The following PPP4R2 variants were observed in gnomAD, a reference collection of about 807,000 sequenced individuals.
The protein encoded by PPP4R2 is serine/threonine-protein phosphatase 4 regulatory subunit 2.
PPP4R2 carries 13 observed loss-of-function variants against 47.2 expected under a neutral mutation model. The observed-to-expected ratio is 0.28, with a 90% CI of 0.18 to 0.44. The LOEUF is 0.44. PPP4R2 is among the 20% of genes least tolerant of loss of function. PPP4R2 has a pLI of 1.00. For missense variants in PPP4R2, 421 were observed against 491.2 expected (o/e 0.86, Z 1.35); for synonymous variants, 151 against 163.3 (o/e 0.92, Z 0.57).
At chr3:72,998,798 A>C (rs768048310) in intron 2 of PPP4R2, among the ~76,000 whole-genome samples, 5 of 152,122 alleles carry the variant, frequency 3.3e-5, no homozygotes, top group Non-Finnish European at 5.9e-5. Context: ...GGAACATTCC[A>C]GGTCATTGTT....
At chr3:73,036,622 G>T (rs916288015) in intron 2 of PPP4R2, among the ~76,000 whole-genome samples, 1 of 152,174 alleles carries the variant, frequency 6.6e-6, no homozygotes, top group Admixed American at 6.5e-5. Flanking sequence ...CATTTTCCAT[G>T]TATTCAGTCC....
chr3:72,997,170 G>A (rs1426208446), intron 1 of PPP4R2, 99 bp downstream of exon 1: 9 of 1,022,916 alleles, frequency 8.8e-6, no homozygotes, highest in Non-Finnish European at 1.2e-5. Context: ...GCCGGGCGCG[G>A]CGTGGGGAGA....
intron 2 of PPP4R2, chr3:73,027,827 G>T (rs750991103): frequency 4.0e-5 from 6 of 151,366 alleles, no homozygotes; most frequent in African/African-American, 7.3e-5. Flanking sequence ...AGCTCTTTTA[G>T]AATTTGTCTA....
chr3:73,008,198 C>A (rs1701652381), intron 2 of PPP4R2, among the ~76,000 whole-genome samples: 3 of 152,060 alleles, frequency 2.0e-5, no homozygotes, highest in Non-Finnish European at 4.4e-5. Flanking sequence ...CCATGTGTCA[C>A]CTAAAGTCCT....
At chr3:72,998,307 T>A in intron 2 of PPP4R2, 149 bp downstream of exon 2, 1 of 552,282 alleles carries the variant, frequency 1.8e-6, no homozygotes, top group South Asian at 2.9e-5. Flanking sequence ...ATATTTACAT[T>A]TAAAGAACGT....
Position 73,068,966 on chromosome 3 carries a change from A to G in PPP4R2, c.*3244A>G, listed in dbSNP as rs1703057082. On this transcript the variant is annotated 3_prime_UTR_variant, in exon 9 of 9. Coordinates refer to ENST00000356692, the MANE Select transcript of PPP4R2 (RefSeq NM_174907.4). ...TCAGTTCTCAAGATTTGTGCTAATC[A>G]TAAAATGAATGAATGCAAAACACCT... 1 of 152,210 alleles carries G rather than the reference A, an allele frequency of 6.6e-6. No individual in the cohort carries two copies. Among genetic ancestry groups the G allele is most frequent in the East Asian group, 1.9e-4 (1 of 5,188 alleles). 9.4% of individuals were successfully genotyped at this position (152,210 alleles called of 1,614,324 possible). A position where few individuals can be genotyped will look rare whatever the true frequency, so the allele number is the denominator to read the frequency against.
At chr3:73,038,479 T>C (rs1395664646) in intron 2 of PPP4R2, among the ~76,000 whole-genome samples, 1 of 151,924 alleles carries the variant, frequency 6.6e-6, no homozygotes, top group Non-Finnish European at 1.5e-5. Flanking sequence ...CACAGCAACC[T>C]CCACCTCCCA....
intron 2 of PPP4R2, among the ~76,000 whole-genome samples, chr3:73,029,039 G>A (rs1702122117): frequency 6.6e-6 from 1 of 152,178 alleles, no homozygotes; most frequent in Non-Finnish European, 1.5e-5. Context: ...TCGAACTCCT[G>A]GGCTCAAGCA....
intron 2 of PPP4R2, among the ~76,000 whole-genome samples, chr3:73,001,499 G>A (rs1047403538): frequency 4.6e-5 from 7 of 152,162 alleles, no homozygotes; most frequent in Non-Finnish European, 8.8e-5. Context: ...ACCTGAGCCT[G>A]GGAGGTTGAG....
intron 2 of PPP4R2, among the ~76,000 whole-genome samples, chr3:73,018,278 C>T (rs998417517): frequency 1.3e-5 from 2 of 152,042 alleles, no homozygotes; most frequent in Non-Finnish European, 2.9e-5. Flanking sequence ...ACACAATGGA[C>T]TGCTTTTTTT....
chr3:73,020,104 T>C (rs1701928498), intron 2 of PPP4R2, among the ~76,000 whole-genome samples: 1 of 152,220 alleles, frequency 6.6e-6, no homozygotes, highest in South Asian at 2.1e-4. Context: ...AATAGAAATT[T>C]ATTTCCTCAT....
chr3:73,052,711 A>G (rs1702643014), intron 3 of PPP4R2, among the ~76,000 whole-genome samples: 1 of 152,150 alleles, frequency 6.6e-6, no homozygotes, highest in Non-Finnish European at 1.5e-5. Flanking sequence ...TCAAGTCTTG[A>G]CCCTTTCTTG....
intron 2 of PPP4R2, among the ~76,000 whole-genome samples, chr3:73,029,090 C>T (rs961200648): frequency 2.0e-5 from 3 of 152,192 alleles, no homozygotes; most frequent in African/African-American, 7.2e-5. Flanking sequence ...AGACTACAGG[C>T]TTGCACCGCC....
chr3:73,063,790 C>A, intron 6 of PPP4R2, 43 bp downstream of exon 6: 1 of 1,368,706 alleles, frequency 7.3e-7, no homozygotes, highest in Non-Finnish European at 1.0e-6. Context: ...TTGCATTGTC[C>A]TGATTTTGAG....
At chr3:73,027,504 T>G (rs1486074095) in intron 2 of PPP4R2, among the ~76,000 whole-genome samples, 1 of 152,240 alleles carries the variant, frequency 6.6e-6, no homozygotes, top group Non-Finnish European at 1.5e-5. Context: ...CTACCTGATT[T>G]GTTTTTTCTA....
At chr3:73,052,159 GA>G (rs1169320566) in intron 3 of PPP4R2, among the ~76,000 whole-genome samples, 3 of 147,018 alleles carry the variant, frequency 2.0e-5, no homozygotes, top group East Asian at 2.0e-4. Context: ...CTGGGGACTA[GA>G]AAAAAAAGAA....
intron 3 of PPP4R2, among the ~76,000 whole-genome samples, chr3:73,056,755 T>C (rs1442421760): frequency 6.6e-6 from 1 of 152,194 alleles, no homozygotes; most frequent in Non-Finnish European, 1.5e-5. Context: ...ATATTAATAA[T>C]TGGCTACAAT....
Position 73,062,268 on chromosome 3 carries a change from G to T in PPP4R2, c.419+1208G>T. Reference sequence around the variant, plus strand: ...CTCACAGCCCAGCAGCCCAGGAGATGACGCAATGGACAGGAGTGGGCTCCC... The same window carrying T: ...CTCACAGCCCAGCAGCCCAGGAGATTACGCAATGGACAGGAGTGGGCTCCC... On this transcript the variant is annotated intron_variant, in intron 5 of 8. Transcript: ENST00000356692. 2 of 1,603,064 alleles carry T rather than the reference G, an allele frequency of 1.2e-6. No individual in the cohort carries two copies. Among genetic ancestry groups the T allele is most frequent in the South Asian group, 2.3e-5 (2 of 88,834 alleles).
chr3:73,036,670 T>C (rs1359609261), intron 2 of PPP4R2, among the ~76,000 whole-genome samples: 1 of 152,226 alleles, frequency 6.6e-6, no homozygotes, highest in Non-Finnish European at 1.5e-5. Context: ...GATAGGTACT[T>C]TGCTTTTAAT....
Sources: allele counts gnomAD v4.1 joint callset (sites outside exome capture counted in the v4.1 genomes callset), GRCh38; gene constraint gnomAD v4.1.1; transcripts MANE v1.5; gene names NCBI Gene and HGNC (gene_info 2026-07-23, HGNC 2026-07-21).